SLC35F3: variants seen among roughly 807,000 people sequenced by gnomAD.
SLC35F3 encodes the protein putative thiamine transporter SLC35F3.
Under a neutral mutation model 49.9 loss-of-function variants are expected in SLC35F3, and 25 were observed. The observed-to-expected ratio is 0.50, with a 90% CI of 0.37 to 0.70. The LOEUF is 0.70. Among genes scored for constraint, SLC35F3 ranks in the 30% least tolerant of loss-of-function variants. The probability of loss-of-function intolerance (pLI) is 0.00; values close to 1 mark genes in which losing one functional copy is unlikely to be tolerated. For synonymous variants in SLC35F3, 275 were observed against 265.4 expected, an observed-to-expected ratio of 1.04 and a Z score of -0.35; for missense variants, 525 against 639.8, an observed-to-expected ratio of 0.82 and a Z score of 1.94.
chr1:234,035,273 A>T (rs1664124936), intron 2 of SLC35F3, among the ~76,000 whole-genome samples: 1 of 152,190 alleles, frequency 6.6e-6, no homozygotes, highest in Non-Finnish European at 1.5e-5. Context: ...ATTTGGCTAG[A>T]GTTGAAAATA....
Position 234,275,600 on chromosome 1 carries a change from CAG to C in SLC35F3, c.609-33499_609-33498del, listed in dbSNP as rs559121039. ...TTAGGTAGGTAGATAGACAGACAGA[CAG>C]ACACACACACACACACAAACATACA... On this transcript the variant is annotated intron_variant, in intron 3 of 7. Transcript: ENST00000366618. Among the ~76,000 whole-genome samples the C allele has an allele frequency of 2.7e-3, 411 of 150,700 alleles. 17 individuals are homozygous for C. In the East Asian group the frequency reaches 0.064, roughly 24 times the overall value.
chr1:234,031,060 C>T (rs1293440619), intron 2 of SLC35F3, among the ~76,000 whole-genome samples: 10 of 152,206 alleles, frequency 6.6e-5, no homozygotes, highest in Non-Finnish European at 1.2e-4. Context: ...AAAGCCAAGA[C>T]TTATAGAAGA....
intron 2 of SLC35F3, among the ~76,000 whole-genome samples, chr1:234,106,734 T>C: frequency 6.6e-6 from 1 of 152,210 alleles, no homozygotes; most frequent in East Asian, 1.9e-4. Context: ...ATTCAGTCCA[T>C]AGCACCTGCC....
At chr1:234,013,217 A>C (rs1663751058) in intron 2 of SLC35F3, among the ~76,000 whole-genome samples, 1 of 152,202 alleles carries the variant, frequency 6.6e-6, no homozygotes, top group Non-Finnish European at 1.5e-5. Flanking sequence ...AAATTAAACA[A>C]CATGCTCGTG....
chr1:234,275,906 T>G (rs570456816), intron 3 of SLC35F3, among the ~76,000 whole-genome samples: 1 of 151,638 alleles, frequency 6.6e-6, no homozygotes, highest in Non-Finnish European at 1.5e-5. Context: ...CTCAGTAGAG[T>G]AGGTACCTTT....
Position 233,955,918 on chromosome 1 carries a change from C to T in SLC35F3, c.283+50160C>T, listed in dbSNP as rs549679820. On this transcript the variant is annotated intron_variant, in intron 2 of 7. Coordinates refer to ENST00000366618, the MANE Select transcript of SLC35F3 (RefSeq NM_173508.4). ...TTTTTTTTTTTTTGAGTTGGTGTCT[C>T]GCTCTCTTGCCCAGGCTGGAGTGCA... Among the ~76,000 whole-genome samples the T allele has an allele frequency of 5.3e-5, 6 of 113,364 alleles. No homozygotes were observed. In the East Asian group the frequency reaches 8.6e-4, roughly 16 times the overall value. The allele number at this position is 113,364 out of a possible 152,430, so 74.4% of individuals were successfully genotyped here. A position where few individuals can be genotyped will look rare whatever the true frequency, so the allele number is the denominator to read the frequency against.
intron 3 of SLC35F3, among the ~76,000 whole-genome samples, chr1:234,304,523 CTCTTA>C (rs1277252310): frequency 9.2e-5 from 14 of 152,272 alleles, no homozygotes; most frequent in African/African-American, 3.1e-4. Context: ...ACAATATCTT[CTCTTA>C]TCTCTGCAAG....
At chr1:234,107,890 C>A (rs1267904665) in intron 2 of SLC35F3, among the ~76,000 whole-genome samples, 2 of 152,080 alleles carry the variant, frequency 1.3e-5, no homozygotes, top group Non-Finnish European at 2.9e-5. Context: ...ACTGACTGAG[C>A]AACTCCCTTT....
intron 2 of SLC35F3, among the ~76,000 whole-genome samples, chr1:234,163,795 T>C (rs1037421491): frequency 4.6e-5 from 7 of 152,310 alleles, no homozygotes; most frequent in African/African-American, 1.7e-4. Flanking sequence ...AACCTGACTT[T>C]GATTCTCTTC....
At chr1:234,056,310 TG>T (rs1260509780) in intron 2 of SLC35F3, among the ~76,000 whole-genome samples, 5 of 152,132 alleles carry the variant, frequency 3.3e-5, no homozygotes, top group Non-Finnish European at 7.4e-5. Context: ...TTGAGCACAG[TG>T]ACATCAATTT....
At chr1:233,940,860 A>G (rs1662408877) in intron 2 of SLC35F3, among the ~76,000 whole-genome samples, 1 of 152,190 alleles carries the variant, frequency 6.6e-6, no homozygotes, top group South Asian at 2.1e-4. Flanking sequence ...GTCAAAGAGA[A>G]TGCACATTAA....
At chr1:233,976,234 C>T (rs1663077951) in intron 2 of SLC35F3, among the ~76,000 whole-genome samples, 1 of 152,148 alleles carries the variant, frequency 6.6e-6, no homozygotes, top group Non-Finnish European at 1.5e-5. Flanking sequence ...TTTAAGATGG[C>T]ATGAAAAGAT....
chr1:234,199,775 A>C (rs1666873624), intron 2 of SLC35F3, among the ~76,000 whole-genome samples: 1 of 152,212 alleles, frequency 6.6e-6, no homozygotes, highest in African/African-American at 2.4e-5. Context: ...AAAAATAAGT[A>C]ACTCAAACAA....
At chr1:233,916,017 G>T (rs58786710) in intron 2 of SLC35F3, among the ~76,000 whole-genome samples, 5 of 152,326 alleles carry the variant, frequency 3.3e-5, no homozygotes, top group African/African-American at 1.2e-4. Context: ...TGCTGTGCAC[G>T]TGTGGGAGTT....
chr1:234,236,839 C>A (rs1236354620), intron 3 of SLC35F3, among the ~76,000 whole-genome samples: 1 of 149,626 alleles, frequency 6.7e-6, no homozygotes, highest in Non-Finnish European at 1.5e-5. Flanking sequence ...TATGTGGGCA[C>A]GTGGACAGAT....
chr1:234,040,348 T>A (rs1050532423), intron 2 of SLC35F3, among the ~76,000 whole-genome samples: 1 of 152,120 alleles, frequency 6.6e-6, no homozygotes, highest in Non-Finnish European at 1.5e-5. Flanking sequence ...ACATTTGATT[T>A]GTAAAAAGAC....
chr1:234,183,782 T>C (rs1401927577), intron 2 of SLC35F3, among the ~76,000 whole-genome samples: 1 of 143,038 alleles, frequency 7.0e-6, no homozygotes, highest in Non-Finnish European at 1.5e-5. Context: ...ATACGACTTC[T>C]GGTTCAAGTA....
chr1:234,231,401 C>T lies in SLC35F3; in HGVS notation c.284-16C>T. On this transcript the variant is annotated splice_polypyrimidine_tract_variant and intron_variant, in intron 2 of 7. Coordinates refer to ENST00000366618, the MANE Select transcript of SLC35F3 (RefSeq NM_173508.4). This position sits in a 1 kb window ranked among gnomAD's most constrained non-coding sequence, Gnocchi z 5.4. ...AGGTCTGCAGGCCCCGCTAACCACG[C>T]CCTTCTCTTCCCCAGGGGAGGAGCG... The T allele has an allele frequency of 6.6e-7, 1 of 1,507,240 alleles. No homozygotes were observed. Among genetic ancestry groups the T allele is most frequent in the Non-Finnish European group, 8.8e-7 (1 of 1,130,736 alleles). 93.4% of individuals were successfully genotyped at this position (1,507,240 alleles called of 1,614,324 possible).
chr1:234,038,636 A>G (rs1047897205), intron 2 of SLC35F3, among the ~76,000 whole-genome samples: 1 of 152,228 alleles, frequency 6.6e-6, no homozygotes, highest in Non-Finnish European at 1.5e-5. Flanking sequence ...CAAAAGACAC[A>G]TGAAAAAATG....
Sources: gnomAD v4.1 joint callset for allele counts (sites outside exome capture counted in the v4.1 genomes callset) on GRCh38, gnomAD v4.1.1 for gene constraint, Gnocchi (gnomAD v3.1) non-coding constraint, MANE v1.5 for transcripts, NCBI Gene and HGNC (gene_info 2026-07-23, HGNC 2026-07-21) for gene names.